Variants in TRABD2B observed in about 807,000 individuals in gnomAD.
TRABD2B encodes metalloprotease TIKI2.
TRABD2B carries 14 observed loss-of-function variants against 40.1 expected under a neutral mutation model. That is an observed-to-expected ratio of 0.35 (90% confidence interval 0.23 to 0.55). TRABD2B has a LOEUF of 0.55. Among genes scored for constraint, TRABD2B ranks in the 20% least tolerant of loss-of-function variants. TRABD2B has a pLI of 0.90. For synonymous variants in TRABD2B, 263 were observed against 277.0 expected, an observed-to-expected ratio of 0.95 and a Z score of 0.50; for missense variants, 541 against 648.6, an observed-to-expected ratio of 0.83 and a Z score of 1.80.
chr1:47,848,712 G>A (rs1361023273), intron 2 of TRABD2B, among the ~76,000 whole-genome samples: 1 of 152,150 alleles, frequency 6.6e-6, no homozygotes, highest in African/African-American at 2.4e-5. Flanking sequence ...GTTTGTCCAG[G>A]TCACCAGACC....
chr1:47,936,841 A>G (rs951869045), intron 2 of TRABD2B, among the ~76,000 whole-genome samples: 1 of 149,234 alleles, frequency 6.7e-6, no homozygotes, highest in Admixed American at 6.8e-5. Context: ...ATTGATCAAC[A>G]AATAAGAATC....
Position 47,917,572 on chromosome 1 carries a change from A to T in TRABD2B, c.666+76462T>A, listed in dbSNP as rs148756408. On this transcript the variant is annotated intron_variant, in intron 2 of 6. Transcript: ENST00000606738. ...CTTGTGTCTATAAAAAATAAAATAA[A>T]AAAAAAAAGCCAAGCATGGTGGCAT... 3.9e-5 allele frequency among the ~76,000 whole-genome samples: 6 copies of T among 152,004 alleles called. No homozygotes were observed. In the East Asian group the frequency reaches 9.7e-4, roughly 25 times the overall value.
intron 2 of TRABD2B, among the ~76,000 whole-genome samples, chr1:47,830,312 T>C (rs149025620): frequency 6.6e-6 from 1 of 152,336 alleles, no homozygotes; most frequent in East Asian, 1.9e-4. Flanking sequence ...TGTGATAACA[T>C]TAAATTCTAG....
At chr1:47,864,737 TG>T (rs1383782276) in intron 2 of TRABD2B, among the ~76,000 whole-genome samples, 2 of 151,958 alleles carry the variant, frequency 1.3e-5, no homozygotes, top group Non-Finnish European at 2.9e-5. Context: ...GGGGCCTAGG[TG>T]GGGACACTGC....
At chr1:47,993,965 A>C (rs1646050110) in intron 2 of TRABD2B, 69 bp downstream of exon 2, 3 of 1,424,292 alleles carry the variant, frequency 2.1e-6, no homozygotes, top group Non-Finnish European at 2.8e-6. Flanking sequence ...TCGGAGAAGA[A>C]AGACAATCAG....
At chr1:47,799,870 G>C (rs1644798330) in intron 3 of TRABD2B, among the ~76,000 whole-genome samples, 2 of 152,058 alleles carry the variant, frequency 1.3e-5, no homozygotes, top group Non-Finnish European at 2.9e-5. Flanking sequence ...CCTTCCACAG[G>C]CTCCAAATGC....
chr1:47,807,027 C>T (rs1355671198), intron 2 of TRABD2B, among the ~76,000 whole-genome samples: 3 of 152,186 alleles, frequency 2.0e-5, no homozygotes, highest in African/African-American at 7.2e-5. Context: ...GGGGAGTTAG[C>T]CAGGGACAAA....
At chr1:47,819,403 C>T (rs1001338439) in intron 2 of TRABD2B, 1 of 152,244 alleles carries the variant, frequency 6.6e-6, no homozygotes, top group African/African-American at 2.4e-5. Flanking sequence ...GGATCTTTAA[C>T]AGCTCTTTAC....
In TRABD2B at chr1:47,765,908, G is replaced by A; in HGVS notation, c.1548C>T (p.Pro516=). ...CCACTTGGGGTGGCCGAGGTCAGGA[G>A]GGCCCAAGGCTATGCAGCAGGAAGC... ...AVCFLLHSLG[P]S is the part of the protein sequence containing the mutation. The change falls in exon 7 of 7, where the codon CCC becomes CCT. Residue 516 remains proline (P), a synonymous_variant. Coordinates refer to ENST00000606738, the MANE Select transcript of TRABD2B (RefSeq NM_001194986.2). 1 of 702,996 alleles carries A rather than the reference G, an allele frequency of 1.4e-6. No homozygotes were observed. Among genetic ancestry groups the A allele is most frequent in the Middle Eastern group, 2.3e-4 (1 of 4,368 alleles). The allele number at this position is 702,996 out of a possible 1,614,324, so 43.5% of individuals were successfully genotyped here.
intron 2 of TRABD2B, among the ~76,000 whole-genome samples, chr1:47,929,351 T>C (rs956709829): frequency 2.0e-5 from 3 of 152,208 alleles, no homozygotes; most frequent in Admixed American, 2.0e-4. Flanking sequence ...TTAGAGTCCC[T>C]GCTCTGTGCC....
intron 2 of TRABD2B, among the ~76,000 whole-genome samples, chr1:47,971,639 C>A (rs572052967): frequency 6.6e-6 from 1 of 152,242 alleles, no homozygotes; most frequent in African/African-American, 2.4e-5. Context: ...AGCCTAATGC[C>A]ACACCCACAA....
At chr1:47,978,240 C>T (rs565747040) in intron 2 of TRABD2B, among the ~76,000 whole-genome samples, 6 of 152,098 alleles carry the variant, frequency 3.9e-5, no homozygotes, top group African/African-American at 1.2e-4. Context: ...TGGCACCATC[C>T]GTGAACCAGA....
At chr1:47,794,789 A>ATT (rs1172548880) in intron 3 of TRABD2B, 29 bp from the exon 4 acceptor site, 410 of 979,908 alleles carry the variant, frequency 4.2e-4, no homozygotes, top group Non-Finnish European at 5.0e-4. Context: ...GGCTGCCTTC[A>ATT]GTTTTTTTTT....
At chr1:47,985,569 C>G (rs1174002412) in intron 2 of TRABD2B, among the ~76,000 whole-genome samples, 1 of 152,250 alleles carries the variant, frequency 6.6e-6, no homozygotes, top group Admixed American at 6.5e-5. Flanking sequence ...TCTCTTAAGG[C>G]CCTAGGTTGT....
At chr1:47,771,483 A>C (rs1310152118) in intron 6 of TRABD2B, among the ~76,000 whole-genome samples, 2 of 152,166 alleles carry the variant, frequency 1.3e-5, no homozygotes, top group African/African-American at 4.8e-5. Context: ...TGGCCCAGAC[A>C]TTCTGCTCCC....
chr1:47,933,155 G>C (rs1645062436), intron 2 of TRABD2B, among the ~76,000 whole-genome samples: 2 of 150,910 alleles, frequency 1.3e-5, no homozygotes, highest in South Asian at 4.2e-4. Flanking sequence ...GTCCAGGCTG[G>C]CATGCAGTGG....
chr1:47,953,092 T>C (rs1167688558), intron 2 of TRABD2B, among the ~76,000 whole-genome samples: 1 of 150,214 alleles, frequency 6.7e-6, no homozygotes, highest in African/African-American at 2.5e-5. Flanking sequence ...ACATTTGCTT[T>C]AATTTTCTTA....
At chr1:47,778,772 G>C (rs1181026180) in intron 4 of TRABD2B, among the ~76,000 whole-genome samples, 2 of 152,222 alleles carry the variant, frequency 1.3e-5, no homozygotes, top group African/African-American at 2.4e-5. Flanking sequence ...ATCTCCCCAT[G>C]CCTCAGTTTC....
chr1:47,988,939 C>G (rs1645960585), intron 2 of TRABD2B, among the ~76,000 whole-genome samples: 1 of 152,190 alleles, frequency 6.6e-6, no homozygotes, highest in South Asian at 2.1e-4. Flanking sequence ...TATGTTGAAA[C>G]CTAACCACCA....
Sources: allele counts gnomAD v4.1 joint callset (sites outside exome capture counted in the v4.1 genomes callset), GRCh38; gene constraint gnomAD v4.1.1; transcripts MANE v1.5; gene names NCBI Gene and HGNC (gene_info 2026-07-23, HGNC 2026-07-21).